Variants in GALNT17 observed in about 807,000 individuals in gnomAD.
GALNT17 encodes UDP-GalNAc:polypeptide N-acetylgalactosaminyltransferase-like 3.
In GALNT17, 29 loss-of-function variants were observed where a neutral mutation model predicts 63.7. That is an observed-to-expected ratio of 0.46 (90% CI 0.34 to 0.62). The LOEUF is 0.62. Among genes scored for constraint, GALNT17 ranks in the 20% least tolerant of loss-of-function variants. The probability of loss-of-function intolerance (pLI) is 0.01; values close to 1 mark genes in which losing one functional copy is unlikely to be tolerated. For synonymous variants in GALNT17, 305 were observed against 318.3 expected (o/e 0.96, Z 0.45); for missense variants, 603 against 799.6 (o/e 0.75, Z 2.97).
chr7:71,184,944 CTTCCT>C (rs1199429490), intron 1 of GALNT17, among the ~76,000 whole-genome samples: 1 of 23,790 alleles, frequency 4.2e-5, no homozygotes, highest in East Asian at 6.1e-4. Flanking sequence ...TCCTCACTTC[CTTCCT>C]TCCTTCCTTC....
chr7:71,401,097 C>CA (rs1010128183), intron 3 of GALNT17, among the ~76,000 whole-genome samples: 1 of 140,062 alleles, frequency 7.1e-6, no homozygotes, highest in African/African-American at 2.6e-5. Context: ...TTTTCTTTTT[C>CA]TTTTTTTTTT....
At chr7:71,259,839 C>T (rs1790354625) in intron 1 of GALNT17, among the ~76,000 whole-genome samples, 1 of 151,898 alleles carries the variant, frequency 6.6e-6, no homozygotes, top group African/African-American at 2.4e-5. Context: ...GACAGGGTTT[C>T]ACGGTGTTAG....
chr7:71,665,634 G>A, intron 7 of GALNT17, 38 bp downstream of exon 7: 1 of 1,586,982 alleles, frequency 6.3e-7, no homozygotes, highest in East Asian at 2.3e-5. Flanking sequence ...CCCCAGTACA[G>A]TGATCCTTAC....
At chr7:71,693,042 T>C (rs1395627214) in intron 9 of GALNT17, among the ~76,000 whole-genome samples, 1 of 151,838 alleles carries the variant, frequency 6.6e-6, no homozygotes, top group Non-Finnish European at 1.5e-5. Flanking sequence ...ACATATTTGT[T>C]ATAGTATATA....
At chr7:71,307,183 T>C (rs1272825535) in intron 1 of GALNT17, among the ~76,000 whole-genome samples, 2 of 152,140 alleles carry the variant, frequency 1.3e-5, no homozygotes, top group African/African-American at 4.8e-5. Flanking sequence ...CCTGTGGTAA[T>C]TCTATGTTTA....
intron 5 of GALNT17, among the ~76,000 whole-genome samples, chr7:71,549,984 C>T (rs1239082582): frequency 6.6e-6 from 1 of 151,378 alleles, no homozygotes; most frequent in African/African-American, 2.4e-5. Flanking sequence ...ATGCACAGAG[C>T]TCAACATACT....
chr7:71,324,870 T>G (rs1791678422), intron 1 of GALNT17, among the ~76,000 whole-genome samples: 1 of 152,204 alleles, frequency 6.6e-6, no homozygotes, highest in South Asian at 2.1e-4. Context: ...TAGTGCTTTG[T>G]GTCTAATAGA....
chr7:71,196,893 A>G (rs533946753), intron 1 of GALNT17, among the ~76,000 whole-genome samples: 22 of 152,152 alleles, frequency 1.4e-4, no homozygotes, highest in African/African-American at 4.8e-4. Flanking sequence ...ACCTCAAGTG[A>G]TCTGCCTTCC....
chr7:71,601,910 C>A (rs545285829), intron 6 of GALNT17, among the ~76,000 whole-genome samples: 1 of 152,344 alleles, frequency 6.6e-6, no homozygotes, highest in South Asian at 2.1e-4. Context: ...TCAGTGAAAT[C>A]ATGATATGAC....
rs969516211 is a variant in GALNT17, at chr7:71,416,569, G to A, written c.764+506G>A. ...CAAGGTTGCAGTGAGCCTAGATCGC[G>A]CCACTGCACTCCAGCCTGGGTGACA... On this transcript the variant is annotated intron_variant, in intron 4 of 10. Coordinates refer to ENST00000333538, the MANE Select transcript of GALNT17 (RefSeq NM_022479.3). Among the ~76,000 whole-genome samples, 9 of 151,806 alleles carry A rather than the reference G, an allele frequency of 5.9e-5. No individual in the cohort carries two copies. In the East Asian group the frequency reaches 1.2e-3, roughly 20 times the overall value.
At chr7:71,210,252 C>T (rs1789351433) in intron 1 of GALNT17, among the ~76,000 whole-genome samples, 1 of 152,160 alleles carries the variant, frequency 6.6e-6, no homozygotes, top group Non-Finnish European at 1.5e-5. Context: ...TCAATTATCT[C>T]CCCCTGGGTC....
intron 1 of GALNT17, among the ~76,000 whole-genome samples, chr7:71,282,243 A>G (rs1474715911): frequency 6.6e-6 from 1 of 152,216 alleles, no homozygotes; most frequent in African/African-American, 2.4e-5. Context: ...GTGCCTCCTG[A>G]CGACGAGAGC....
intron 1 of GALNT17, among the ~76,000 whole-genome samples, chr7:71,331,683 C>G (rs1791810766): frequency 6.6e-6 from 1 of 151,230 alleles, no homozygotes; most frequent in Non-Finnish European, 1.5e-5. Context: ...CCACTGCACT[C>G]CAGCCTGGGT....
intron 2 of GALNT17, among the ~76,000 whole-genome samples, chr7:71,344,053 C>T (rs1301520146): frequency 6.6e-6 from 1 of 152,004 alleles, no homozygotes; most frequent in African/African-American, 2.4e-5. Context: ...CAGAGGACTT[C>T]AAAGAGAGTG....
rs935848337 is a variant in GALNT17, at chr7:71,421,176, G to A, written c.962+71G>A. The A allele has an allele frequency of 1.2e-5, 18 of 1,544,366 alleles. No homozygotes were observed. In the African/African-American group the frequency reaches 2.3e-4, roughly 20 times the overall value. Reference sequence around the variant, plus strand: ...AGGGTAAAAAGGAGCTACTGAGAGAGGCCAGGAAAGCCTGCCTTGGGCTCG... The same window carrying A: ...AGGGTAAAAAGGAGCTACTGAGAGAAGCCAGGAAAGCCTGCCTTGGGCTCG... On this transcript the variant is annotated intron_variant, in intron 5 of 10. Transcript: ENST00000333538.
chr7:71,271,621 T>A (rs1323782900), intron 1 of GALNT17, among the ~76,000 whole-genome samples: 1 of 152,226 alleles, frequency 6.6e-6, no homozygotes, highest in African/African-American at 2.4e-5. Context: ...CCTTTTTGGG[T>A]GTACAGTTTG....
chr7:71,321,867 T>TTCCCTTCC (rs1272306510), intron 1 of GALNT17, among the ~76,000 whole-genome samples: 3 of 46,834 alleles, frequency 6.4e-5, no homozygotes, highest in African/African-American at 1.5e-4. Flanking sequence ...CCTTCCTTCC[T>TTCCCTTCC]TTCCTTCCTT....
At chr7:71,419,491 A>C (rs753847142) in intron 4 of GALNT17, among the ~76,000 whole-genome samples, 3 of 152,254 alleles carry the variant, frequency 2.0e-5, no homozygotes, top group Non-Finnish European at 2.9e-5. Flanking sequence ...ATAAGGAAAA[A>C]TAATTCGTGT....
chr7:71,357,780 G>A (rs1199614013), intron 2 of GALNT17, among the ~76,000 whole-genome samples: 1 of 152,136 alleles, frequency 6.6e-6, no homozygotes, highest in Non-Finnish European at 1.5e-5. Context: ...GGGACTTGGA[G>A]AACTTTTAAG....
Sources: allele counts gnomAD v4.1 joint callset (sites outside exome capture counted in the v4.1 genomes callset), GRCh38; gene constraint gnomAD v4.1.1; transcripts MANE v1.5; gene names NCBI Gene and HGNC (gene_info 2026-07-23, HGNC 2026-07-21).